CSMD3: variants seen among roughly 807,000 people sequenced by gnomAD.
CSMD3 encodes the protein CUB and Sushi multiple domains 3, also known as CUB and sushi domain-containing protein 3.
In CSMD3, 177 loss-of-function variants were observed where a neutral mutation model predicts 435.2. The ratio of observed to expected loss-of-function variants is 0.41; its 90% confidence interval spans 0.36 to 0.46. The LOEUF is 0.46. CSMD3 is among the 20% of genes least tolerant of loss of function. The pLI is 0.34. For missense variants in CSMD3, 4,265 were observed against 4,504.6 expected (o/e 0.95, Z 1.52); for synonymous variants, 1,656 against 1,520.5 (o/e 1.09, Z -2.07).
At chr8:112,599,138 T>A (rs1832059639) in intron 22 of CSMD3, among the ~76,000 whole-genome samples, 1 of 139,612 alleles carries the variant, frequency 7.2e-6, no homozygotes, top group African/African-American at 2.7e-5. Context: ...AGGGCTAATA[T>A]CCAGAATCTA....
intron 3 of CSMD3, among the ~76,000 whole-genome samples, chr8:113,243,915 G>A (rs1464128648): frequency 6.6e-6 from 1 of 152,004 alleles, no homozygotes; most frequent in Non-Finnish European, 1.5e-5. Flanking sequence ...TTTGTAGAAT[G>A]GGTATTGAAA....
At chr8:112,333,165 T>C (rs758509753) in intron 45 of CSMD3, among the ~76,000 whole-genome samples, 1 of 152,086 alleles carries the variant, frequency 6.6e-6, no homozygotes, top group Non-Finnish European at 1.5e-5. Context: ...TTTTTATTGA[T>C]TGATTGATTG....
intron 12 of CSMD3, among the ~76,000 whole-genome samples, chr8:112,817,977 A>G (rs1482302946): frequency 6.6e-6 from 1 of 151,924 alleles, no homozygotes; most frequent in East Asian, 1.9e-4. Flanking sequence ...TTACAAAAAA[A>G]TTTCTTTATA....
chr8:112,897,682 C>CTG (rs1264598299), intron 10 of CSMD3, among the ~76,000 whole-genome samples: 4 of 87,016 alleles, frequency 4.6e-5, no homozygotes, highest in African/African-American at 1.7e-4. Flanking sequence ...CTCTCTCTCT[C>CTG]TCTCTCTCTC....
chr8:112,869,441 A>G (rs1379780869), intron 10 of CSMD3, among the ~76,000 whole-genome samples: 1 of 152,202 alleles, frequency 6.6e-6, no homozygotes, highest in Non-Finnish European at 1.5e-5. Flanking sequence ...GAAAACAAAT[A>G]CAATCTCATA....
chr8:112,995,484 C>T (rs748753999), intron 6 of CSMD3, among the ~76,000 whole-genome samples: 27 of 151,392 alleles, frequency 1.8e-4, no homozygotes, highest in African/African-American at 6.3e-4. Flanking sequence ...TTTAACGTTT[C>T]GCACCAGTTA....
chr8:112,896,397 T>C (rs1026273086), intron 10 of CSMD3, among the ~76,000 whole-genome samples: 8 of 151,440 alleles, frequency 5.3e-5, no homozygotes, highest in Non-Finnish European at 1.0e-4. Context: ...ATCACAGATA[T>C]CTGAGAAAAA....
chr8:112,600,916 T>G (rs1407007874), intron 22 of CSMD3, among the ~76,000 whole-genome samples: 2 of 151,966 alleles, frequency 1.3e-5, no homozygotes, highest in Non-Finnish European at 2.9e-5. Context: ...TGATCCATCC[T>G]CCTTGGCCTC....
intron 23 of CSMD3, among the ~76,000 whole-genome samples, chr8:112,581,479 TA>T (rs1830331975): frequency 6.6e-6 from 1 of 152,110 alleles, no homozygotes; most frequent in Admixed American, 6.6e-5. Context: ...GGGAAATATT[TA>T]AAAGTAACTA....
chr8:112,526,896 A>G (rs1012693150), intron 27 of CSMD3, among the ~76,000 whole-genome samples: 1 of 151,956 alleles, frequency 6.6e-6, no homozygotes. Flanking sequence ...TTATTTAATG[A>G]TAGGTTTGTC....
chr8:112,313,499 T>C (rs982642727), intron 49 of CSMD3, among the ~76,000 whole-genome samples: 10 of 152,156 alleles, frequency 6.6e-5, no homozygotes, highest in Admixed American at 3.3e-4. Flanking sequence ...ACACTATTAA[T>C]ATTTTTTGTC....
At chr8:112,966,489 A>T (rs764283723) in intron 7 of CSMD3, among the ~76,000 whole-genome samples, 6 of 150,176 alleles carry the variant, frequency 4.0e-5, no homozygotes, top group Non-Finnish European at 8.9e-5. Flanking sequence ...CATTTTTAAA[A>T]ATTTTTTTTT....
rs2092204689 is a variant in CSMD3, at chr8:113,168,538, A to AAAAAAAAAC, written c.709+5183_709+5184insGTTTTTTTT. On this transcript the variant is annotated intron_variant, in intron 4 of 70. Coordinates refer to ENST00000297405, the MANE Select transcript of CSMD3 (RefSeq NM_198123.2). ...CTGTCTCAAAAAAAAAAAAAAAAAA[A>AAAAAAAAAC]AAAAAAAAACTACAGATTTTAGCTA... 4.7e-5 allele frequency among the ~76,000 whole-genome samples: 7 copies of AAAAAAAAAC among 149,742 alleles called. 1 individual carries two copies. Among genetic ancestry groups the AAAAAAAAAC allele is most frequent in the African/African-American group, 1.7e-4 (7 of 41,096 alleles).
chr8:113,349,873 T>C (rs1482072197), intron 1 of CSMD3, among the ~76,000 whole-genome samples: 1 of 152,042 alleles, frequency 6.6e-6, no homozygotes, highest in Non-Finnish European at 1.5e-5. Flanking sequence ...ATGAAATCTA[T>C]TTCCCCTTCT....
At chr8:112,945,586 A>ATGTGTG (rs1491548273) in intron 9 of CSMD3, among the ~76,000 whole-genome samples, 2 of 100,372 alleles carry the variant, frequency 2.0e-5, no homozygotes, top group Admixed American at 2.4e-4. Flanking sequence ...GAATACAGAA[A>ATGTGTG]TATGTGTGTG....
intron 3 of CSMD3, among the ~76,000 whole-genome samples, chr8:113,243,621 T>C (rs1244004907): frequency 1.3e-5 from 2 of 151,762 alleles, no homozygotes; most frequent in African/African-American, 4.9e-5. Flanking sequence ...TATTTGAATA[T>C]ATACCTATGA....
intron 12 of CSMD3, among the ~76,000 whole-genome samples, chr8:112,814,383 G>A (rs1008458374): frequency 1.3e-5 from 2 of 152,146 alleles, no homozygotes; most frequent in East Asian, 1.9e-4. Context: ...AAATAACAGG[G>A]AGGGAAACAA....
chr8:113,099,682 A>G (rs1000623738), intron 4 of CSMD3, among the ~76,000 whole-genome samples: 2 of 152,066 alleles, frequency 1.3e-5, no homozygotes, highest in African/African-American at 4.8e-5. Context: ...GAGTTTCCAA[A>G]TTGGGGCCAT....
At chr8:113,290,914 T>G (rs373496037) in intron 2 of CSMD3, among the ~76,000 whole-genome samples, 285 of 151,546 alleles carry the variant, frequency 1.9e-3, no homozygotes, top group South Asian at 9.8e-3. Flanking sequence ...TGTTATAAGC[T>G]CTTTTACTCT....
Sources: gnomAD v4.1 joint callset for allele counts (sites outside exome capture counted in the v4.1 genomes callset) on GRCh38, gnomAD v4.1.1 for gene constraint, MANE v1.5 for transcripts, NCBI Gene and HGNC (gene_info 2026-07-23, HGNC 2026-07-21) for gene names.